The following ANKDD1B variants were observed in gnomAD, a reference collection of about 807,000 sequenced individuals.
The protein encoded by ANKDD1B is ankyrin repeat and death domain-containing protein 1B.
ANKDD1B carries 57 observed loss-of-function variants against 59.7 expected under a neutral mutation model. That is an observed-to-expected ratio of 0.95 (90% CI 0.77 to 1.19). The LOEUF (loss-of-function observed/expected upper bound fraction) is 1.19, where lower values mean the gene tolerates loss of function less well. ANKDD1B is among the 50% of genes most tolerant of loss of function. ANKDD1B has a pLI of 0.00. For missense variants in ANKDD1B, 602 were observed against 641.9 expected, an observed-to-expected ratio of 0.94 and a Z score of 0.67; for synonymous variants, 216 against 239.5, an observed-to-expected ratio of 0.90 and a Z score of 0.91.
intron 11 of ANKDD1B, among the ~76,000 whole-genome samples, chr5:75,663,694 C>A (rs938813396): frequency 1.3e-5 from 2 of 152,256 alleles, no homozygotes; most frequent in Admixed American, 1.3e-4. Context: ...GACGTCAGAA[C>A]TGAGAGCGCG....
intron 5 of ANKDD1B, among the ~76,000 whole-genome samples, chr5:75,633,367 A>T (rs10069335): frequency 0.026 from 3,955 of 152,262 alleles, 71 homozygotes; most frequent in African/African-American, 0.054. Flanking sequence ...CCTCTGTAGG[A>T]CTGATCTTTA....
intron 11 of ANKDD1B, among the ~76,000 whole-genome samples, chr5:75,664,237 C>T (rs930788893): frequency 4.6e-5 from 7 of 152,202 alleles, no homozygotes; most frequent in Non-Finnish European, 1.0e-4. Flanking sequence ...GATTGCTGTC[C>T]ACCTGGCCAG....
In ANKDD1B at chr5:75,669,383, GGTAA is replaced by G. The variant is rs1291706726; in HGVS notation, c.1525+3_1525+6del. ...ACACGCAGGTTTCCCAAAACTAGCT[GGTAA>G]GTGACAGTTTCAACAACAGAAATTC... On this transcript the variant is annotated splice_donor_variant and splice_donor_region_variant and intron_variant, in intron 13 of 13. Coordinates refer to ENST00000601380, the MANE Select transcript of ANKDD1B (RefSeq NM_001276713.2). LOFTEE classifies it high-confidence loss of function. 2.4e-6 allele frequency: 3 copies of G among 1,231,952 alleles called. No homozygotes were observed. The highest frequency in any genetic ancestry group is 3.0e-6 in the Non-Finnish European group (3 of 987,882). 76.3% of individuals were successfully genotyped at this position (1,231,952 alleles called of 1,614,324 possible). A position where few individuals can be genotyped will look rare whatever the true frequency, so the allele number is the denominator to read the frequency against.
At chr5:75,657,974 G>A (rs922884191) in intron 9 of ANKDD1B, among the ~76,000 whole-genome samples, 32 of 151,954 alleles carry the variant, frequency 2.1e-4, no homozygotes, top group African/African-American at 7.5e-4. Context: ...CACTTTGGGT[G>A]GCCAAGATAG....
chr5:75,661,448 G>A (rs16872723), intron 10 of ANKDD1B, among the ~76,000 whole-genome samples: 9,286 of 141,728 alleles, frequency 0.066, 506 homozygotes, highest in South Asian at 0.17. Flanking sequence ...CACTGTGGAC[G>A]ATTTAGAACA....
chr5:75,624,353 G>A (rs1282299858), intron 3 of ANKDD1B, among the ~76,000 whole-genome samples: 1 of 152,174 alleles, frequency 6.6e-6, no homozygotes, highest in South Asian at 2.1e-4. Flanking sequence ...CTGTAACTTA[G>A]GGCCCGGGGT....
intron 10 of ANKDD1B, among the ~76,000 whole-genome samples, chr5:75,661,676 G>T (rs1424036824): frequency 1.3e-5 from 2 of 152,054 alleles, no homozygotes; most frequent in South Asian, 2.1e-4. Flanking sequence ...AGGGATTTAT[G>T]TTGGGGTCCC....
rs145180354 is a variant in ANKDD1B, at chr5:75,649,542, G to A, written c.799-3600G>A. ...AAAGTCTGTAGGCCCTACACACGGA[G>A]CCCATGATGCCTAGAGGTAAATGCT... On this transcript the variant is annotated intron_variant, in intron 7 of 13. Coordinates refer to ENST00000601380, the MANE Select transcript of ANKDD1B (RefSeq NM_001276713.2). Among the ~76,000 whole-genome samples the A allele has an allele frequency of 7.6e-3, 1,156 of 152,232 alleles. 18 individuals carry two copies. The highest frequency in any genetic ancestry group is 0.026 in the African/African-American group (1,085 of 41,538).
intron 5 of ANKDD1B, among the ~76,000 whole-genome samples, chr5:75,634,371 C>T (rs1774242664): frequency 1.3e-5 from 2 of 152,032 alleles, no homozygotes. Context: ...CCTATTGATT[C>T]TTAGTAGATG....
chr5:75,640,226 G>A (rs1774429282), intron 7 of ANKDD1B, among the ~76,000 whole-genome samples: 1 of 152,086 alleles, frequency 6.6e-6, no homozygotes, highest in Non-Finnish European at 1.5e-5. Context: ...TAAACTTTTT[G>A]TAGAGATGGG....
chr5:75,633,111 A>G (rs1774209072), intron 5 of ANKDD1B, among the ~76,000 whole-genome samples: 1 of 152,206 alleles, frequency 6.6e-6, no homozygotes, highest in Non-Finnish European at 1.5e-5. Flanking sequence ...GTTGCTCATG[A>G]CTCAAGATTA....
At chr5:75,623,938 T>C (rs1773922413) in intron 3 of ANKDD1B, among the ~76,000 whole-genome samples, 1 of 152,234 alleles carries the variant, frequency 6.6e-6, no homozygotes, top group Non-Finnish European at 1.5e-5. Context: ...GAGAATACAT[T>C]AATGCAACTT....
chr5:75,656,023 C>G lies in ANKDD1B; in HGVS notation c.898-6C>G, dbSNP rs757774580. 1 of 1,388,830 alleles carries G rather than the reference C, an allele frequency of 7.2e-7. No homozygotes were observed. Among genetic ancestry groups the G allele is most frequent in the East Asian group, 2.5e-5 (1 of 39,954 alleles). The allele number at this position is 1,388,830 out of a possible 1,614,324, so 86.0% of individuals were successfully genotyped here. A position where few individuals can be genotyped will look rare whatever the true frequency, so the allele number is the denominator to read the frequency against. ...CTGGATTTGAAATTTTTATTTCTCT[C>G]TGCAGCCTAAGGAGTCCCCTCTTCA... is the stretch of plus-strand genomic sequence containing the variant. On this transcript the variant is annotated splice_polypyrimidine_tract_variant and splice_region_variant and intron_variant, in intron 8 of 13. Coordinates refer to ENST00000601380, the MANE Select transcript of ANKDD1B (RefSeq NM_001276713.2).
chr5:75,634,293 A>C (rs139865654), intron 5 of ANKDD1B, among the ~76,000 whole-genome samples: 3 of 152,264 alleles, frequency 2.0e-5, no homozygotes, highest in Middle Eastern at 3.4e-3. Flanking sequence ...ATTTCTCTTC[A>C]TCTGTATTCT....
At chr5:75,665,597 C>T (rs1283947071) in intron 11 of ANKDD1B, among the ~76,000 whole-genome samples, 1 of 152,210 alleles carries the variant, frequency 6.6e-6, no homozygotes, top group East Asian at 1.9e-4. Context: ...TTTTTACAGT[C>T]TCTAAAACAA....
intron 10 of ANKDD1B, among the ~76,000 whole-genome samples, chr5:75,663,177 G>C (rs185149175): frequency 1.9e-3 from 289 of 152,250 alleles, no homozygotes; most frequent in African/African-American, 6.4e-3. Flanking sequence ...ATTCAGGGTG[G>C]CACAGGTTCT....
intron 7 of ANKDD1B, among the ~76,000 whole-genome samples, chr5:75,637,445 T>C (rs1774349571): frequency 1.3e-5 from 2 of 152,000 alleles, no homozygotes; most frequent in East Asian, 3.9e-4. Flanking sequence ...GATTTCACAG[T>C]TTAATGTTCT....
chr5:75,632,298 G>A (rs1449449818), intron 5 of ANKDD1B, among the ~76,000 whole-genome samples: 1 of 152,092 alleles, frequency 6.6e-6, no homozygotes. Context: ...ATGGATTCAG[G>A]TATGTCTGAA....
chr5:75,669,866 A>T (rs1451500842), intron 13 of ANKDD1B, among the ~76,000 whole-genome samples: 6 of 152,228 alleles, frequency 3.9e-5, no homozygotes, highest in Non-Finnish European at 8.8e-5. Flanking sequence ...TATTGCTAAA[A>T]ATCAGTCTGC....
Sources: gnomAD v4.1 joint callset for allele counts (sites outside exome capture counted in the v4.1 genomes callset) on GRCh38, gnomAD v4.1.1 for gene constraint, MANE v1.5 for transcripts, NCBI Gene and HGNC (gene_info 2026-07-23, HGNC 2026-07-21) for gene names.